The following HECW2 variants were observed in gnomAD, a reference collection of about 807,000 sequenced individuals.
HECW2 encodes E3 ubiquitin-protein ligase HECW2.
In HECW2, 61 loss-of-function variants were observed where a neutral mutation model predicts 175.2. That is an observed-to-expected ratio of 0.35 (90% CI 0.28 to 0.43). The LOEUF (loss-of-function observed/expected upper bound fraction) is 0.43. Among genes scored for constraint, HECW2 ranks in the 20% least tolerant of loss-of-function variants. The pLI, the probability that HECW2 is intolerant of heterozygous loss-of-function variation, is 1.00. For missense variants in HECW2, 1,524 were observed against 2,000.5 expected, an observed-to-expected ratio of 0.76 and a Z score of 4.54; for synonymous variants, 671 against 731.0, an observed-to-expected ratio of 0.92 and a Z score of 1.32.
chr2:196,334,122 C>T lies in HECW2; in HGVS notation c.495+302G>A, dbSNP rs76875511. On this transcript the variant is annotated intron_variant, in intron 4 of 28. Transcript: ENST00000644978. The stretch of plus-strand genomic sequence containing the variant: ...GCCACTCTTTCCTACCAACTGGTCA[C>T]CCACACTAAGTTTAAACCTTCCAAA... Among the ~76,000 whole-genome samples the T allele has an allele frequency of 6.7e-3, 1,027 of 152,298 alleles. 14 individuals carry two copies. The highest frequency in any genetic ancestry group is 0.024 in the African/African-American group (984 of 41,550).
intron 13 of HECW2, among the ~76,000 whole-genome samples, chr2:196,304,092 C>G (rs545958950): frequency 6.6e-6 from 1 of 152,244 alleles, no homozygotes; most frequent in African/African-American, 2.4e-5. Context: ...TATAGAAAAC[C>G]CTTTCAGAAT....
At chr2:196,356,841 T>C (rs1693386182) in intron 2 of HECW2, among the ~76,000 whole-genome samples, 1 of 152,222 alleles carries the variant, frequency 6.6e-6, no homozygotes, top group Non-Finnish European at 1.5e-5. Context: ...TATATATGTA[T>C]AGGGAATAAC....
intron 1 of HECW2, among the ~76,000 whole-genome samples, chr2:196,460,442 T>C (rs141714179): frequency 1.2e-4 from 18 of 151,276 alleles, no homozygotes; most frequent in African/African-American, 3.4e-4. Context: ...GAAGTAAAAA[T>C]TGAACCAAAT....
chr2:196,558,136 T>C (rs1689872408), intron 1 of HECW2, among the ~76,000 whole-genome samples: 3 of 152,228 alleles, frequency 2.0e-5, no homozygotes, highest in Non-Finnish European at 2.9e-5. Context: ...CCAGTAGTTT[T>C]CTTAAATCTG....
At chr2:196,541,056 C>G (rs1689195107) in intron 1 of HECW2, among the ~76,000 whole-genome samples, 1 of 152,106 alleles carries the variant, frequency 6.6e-6, no homozygotes, top group Non-Finnish European at 1.5e-5. Flanking sequence ...CCAAGTTAAC[C>G]TTCACTAACC....
intron 1 of HECW2, among the ~76,000 whole-genome samples, chr2:196,459,776 G>A (rs1696665574): frequency 6.6e-6 from 1 of 152,168 alleles, no homozygotes; most frequent in Non-Finnish European, 1.5e-5. Flanking sequence ...AGTCCACGGA[G>A]GATGTGCAGG....
chr2:196,322,282 C>T (rs1691974836), intron 7 of HECW2, among the ~76,000 whole-genome samples, 196 bp downstream of exon 7: 1 of 152,012 alleles, frequency 6.6e-6, no homozygotes, highest in Admixed American at 6.6e-5. Context: ...GATAAAGACG[C>T]AAAAAACATA....
At chr2:196,264,599 G>A (rs1364655819) in intron 17 of HECW2, among the ~76,000 whole-genome samples, 1 of 152,192 alleles carries the variant, frequency 6.6e-6, no homozygotes, top group Non-Finnish European at 1.5e-5. Context: ...ATATCTGAGA[G>A]TGATACTATG....
At chr2:196,487,740 T>C (rs1687057146) in intron 1 of HECW2, among the ~76,000 whole-genome samples, 2 of 152,226 alleles carry the variant, frequency 1.3e-5, no homozygotes, top group African/African-American at 2.4e-5. Flanking sequence ...CCTAAATGCA[T>C]GACTCAAACA....
chr2:196,430,766 G>A (rs1002729969), intron 2 of HECW2, among the ~76,000 whole-genome samples: 4 of 151,980 alleles, frequency 2.6e-5, no homozygotes, highest in Non-Finnish European at 5.9e-5. Flanking sequence ...AGATGTTGAA[G>A]GAAAATGAAC....
chr2:196,461,082 A>T (rs1696726886), intron 1 of HECW2, among the ~76,000 whole-genome samples: 1 of 152,142 alleles, frequency 6.6e-6, no homozygotes, highest in African/African-American at 2.4e-5. Context: ...CAGTTGTAAT[A>T]GATAAAATGG....
rs1218431798 is a variant in HECW2, at chr2:196,307,932, C to T, written c.2585+3G>A. The T allele has an allele frequency of 2.0e-6, 3 of 1,528,208 alleles. No individual in the cohort carries two copies. The highest frequency in any genetic ancestry group is 2.5e-5 in the South Asian group (2 of 79,720). 94.7% of individuals were successfully genotyped at this position (1,528,208 alleles called of 1,614,324 possible). ...ACAGTCACAGCAAAATGTTCATCCTCACCGCCGGTTCAGCTGCTCCATTTG... is the reference window on the plus strand; with the variant it reads ...ACAGTCACAGCAAAATGTTCATCCTTACCGCCGGTTCAGCTGCTCCATTTG... On this transcript the variant is annotated splice_donor_region_variant and intron_variant, in intron 11 of 28. Coordinates refer to ENST00000644978, the MANE Select transcript of HECW2 (RefSeq NM_001348768.2).
chr2:196,354,988 G>A (rs1575452486), intron 2 of HECW2, among the ~76,000 whole-genome samples: 1 of 152,140 alleles, frequency 6.6e-6, no homozygotes, highest in South Asian at 2.1e-4. Context: ...TCCCCAAACT[G>A]AATGTTTTAC....
intron 1 of HECW2, among the ~76,000 whole-genome samples, chr2:196,515,436 C>T (rs1266029287): frequency 2.0e-5 from 3 of 152,198 alleles, no homozygotes; most frequent in Admixed American, 6.5e-5. Flanking sequence ...AACACCCTAA[C>T]GATCTCATGA....
intron 1 of HECW2, among the ~76,000 whole-genome samples, chr2:196,459,741 C>T (rs1696663540): frequency 6.6e-6 from 1 of 152,122 alleles, no homozygotes; most frequent in African/African-American, 2.4e-5. Flanking sequence ...GATAAGAGAC[C>T]ACAGACCACA....
At chr2:196,229,457 T>G (rs1268569848) in intron 21 of HECW2, among the ~76,000 whole-genome samples, 1 of 152,076 alleles carries the variant, frequency 6.6e-6, no homozygotes, top group South Asian at 2.1e-4. Flanking sequence ...TCAAGGAGTT[T>G]GAGATAAGCC....
intron 25 of HECW2, among the ~76,000 whole-genome samples, chr2:196,220,480 T>C (rs1687626502): frequency 6.6e-6 from 1 of 152,220 alleles, no homozygotes; most frequent in Admixed American, 6.5e-5. Context: ...TATAATTATT[T>C]CACATAGCAA....
chr2:196,225,327 T>C (rs540199008), intron 23 of HECW2, among the ~76,000 whole-genome samples: 17 of 151,930 alleles, frequency 1.1e-4, no homozygotes, highest in Middle Eastern at 3.4e-3. Flanking sequence ...CAAAGGAAAA[T>C]GAAGATTTGA....
intron 1 of HECW2, among the ~76,000 whole-genome samples, chr2:196,444,542 A>C (rs1575548468): frequency 6.6e-6 from 1 of 152,128 alleles, no homozygotes; most frequent in Non-Finnish European, 1.5e-5. Flanking sequence ...TCATACCTAG[A>C]CCACCACTTC....
Sources: allele counts gnomAD v4.1 joint callset (sites outside exome capture counted in the v4.1 genomes callset), GRCh38; gene constraint gnomAD v4.1.1; transcripts MANE v1.5; gene names NCBI Gene and HGNC (gene_info 2026-07-23, HGNC 2026-07-21).